The following ATG16L1 variants were observed in gnomAD, a reference collection of about 807,000 sequenced individuals.
ATG16L1 encodes the protein autophagy-related protein 16-1.
Under a neutral mutation model 88.5 loss-of-function variants are expected in ATG16L1, and 37 were observed. The observed-to-expected ratio is 0.42, with a 90% confidence interval of 0.32 to 0.55. The LOEUF is 0.55. ATG16L1 is among the 20% of genes least tolerant of loss of function. ATG16L1 has a pLI of 0.13. For synonymous variants in ATG16L1, 301 were observed against 281.0 expected, an observed-to-expected ratio of 1.07 and a Z score of -0.71; for missense variants, 554 against 752.8, an observed-to-expected ratio of 0.74 and a Z score of 3.09.
Position 233,256,109 on chromosome 2 carries a change from A to G in ATG16L1, c.123A>G (p.Lys41=). Residue 41 remains lysine (K), a synonymous_variant, in exon 2 of 18, where the codon AAA becomes AAG. Coordinates refer to ENST00000392017, the MANE Select transcript of ATG16L1 (RefSeq NM_030803.7). ...ACTTTTTTATTTTAATAGATAACAA[A>G]TTGCTGGAAAAGTCAGATCTTCATT... ...AFEEIILQYN[K]LLEKSDLHSV... 6.2e-7 allele frequency: 1 copy of G among 1,613,686 alleles called. No homozygotes were observed. The highest frequency in any genetic ancestry group is 8.5e-7 in the Non-Finnish European group (1 of 1,179,702).
chr2:233,289,377 A>ATGTGTGTGTGTGTGTGTG (rs56993445), intron 12 of ATG16L1, among the ~76,000 whole-genome samples: 9,140 of 128,942 alleles, frequency 0.071, 482 homozygotes, highest in Middle Eastern at 0.14. Flanking sequence ...CCTGTTTGGG[A>ATGTGTGTGTGTGTGTGTG]TGTGTGTGTG....
intron 6 of ATG16L1, among the ~76,000 whole-genome samples, chr2:233,272,412 C>G (rs537403546): frequency 1.3e-5 from 2 of 152,198 alleles, no homozygotes; most frequent in African/African-American, 4.8e-5. Context: ...TTTTGCTTTT[C>G]TATTTTTTAA....
chr2:233,265,223 T>C, intron 5 of ATG16L1, 80 bp downstream of exon 5: 1 of 1,527,886 alleles, frequency 6.5e-7, no homozygotes, highest in Non-Finnish European at 8.8e-7. Context: ...GAGATAAACC[T>C]GGCAGTTACT....
intron 15 of ATG16L1, 36 bp downstream of exon 15, chr2:233,292,313 G>A (rs1699513588): frequency 6.2e-7 from 1 of 1,611,750 alleles, no homozygotes; most frequent in African/African-American, 1.4e-5. Flanking sequence ...GAAGACCAGA[G>A]GCCCAGCCCT....
At position 233,294,459 on chromosome 2, in the gene ATG16L1, A is replaced by G. The variant is rs1341125866; in HGVS notation, c.*109A>G. ...GTGCTGGGTATAGCATGGACCTCCC[A>G]GAGAAGCTCAAGCTATGTGGCACTG... is the stretch of plus-strand genomic sequence containing the variant. On this transcript the variant is annotated 3_prime_UTR_variant, in exon 18 of 18. Transcript: ENST00000392017. 1.3e-6 allele frequency: 1 copy of G among 762,960 alleles called. No homozygotes were observed. The highest frequency in any genetic ancestry group is 3.0e-5 in the Admixed American group (1 of 33,762). 47.3% of individuals were successfully genotyped at this position (762,960 alleles called of 1,614,324 possible).
chr2:233,283,682 C>A (rs1698877278), intron 12 of ATG16L1, among the ~76,000 whole-genome samples: 1 of 151,582 alleles, frequency 6.6e-6, no homozygotes, highest in African/African-American at 2.4e-5. Flanking sequence ...TCCTGAGTAG[C>A]TAGGATTACA....
intron 1 of ATG16L1, among the ~76,000 whole-genome samples, chr2:233,253,160 A>G (rs1196008055): frequency 1.3e-5 from 2 of 152,072 alleles, no homozygotes; most frequent in East Asian, 1.9e-4. Context: ...CCAAATGACT[A>G]CTGTGCAGAC....
At chr2:233,276,402 A>G (rs1401716883) in intron 9 of ATG16L1, among the ~76,000 whole-genome samples, 3 of 152,158 alleles carry the variant, frequency 2.0e-5, no homozygotes, top group East Asian at 1.9e-4. Context: ...TCTAGGCATT[A>G]TATTTCATCC....
chr2:233,251,748 C>A lies in ATG16L1; in HGVS notation c.-80C>A. 7.6e-7 allele frequency: 1 copy of A among 1,312,446 alleles called. No homozygotes were observed. Among genetic ancestry groups the A allele is most frequent in the Non-Finnish European group, 1.1e-6 (1 of 937,310 alleles). 81.3% of individuals were successfully genotyped at this position (1,312,446 alleles called of 1,614,324 possible). On this transcript the variant is annotated 5_prime_UTR_variant, in exon 1 of 18. It adds an upstream start codon to the 5' untranslated region. Coordinates refer to ENST00000392017, the MANE Select transcript of ATG16L1 (RefSeq NM_030803.7). ...GGGATTGCCGGCATTCCCGCTTCTG[C>A]TGGTTGCTTCATGCTGCAGGCTGCG...
intron 2 of ATG16L1, among the ~76,000 whole-genome samples, chr2:233,259,353 C>T (rs1013931803): frequency 1.3e-5 from 2 of 152,098 alleles, no homozygotes; most frequent in African/African-American, 4.8e-5. Context: ...CCTCTGATGT[C>T]AAAAGATCAC....
chr2:233,275,774 C>T (rs754464389), intron 9 of ATG16L1: 3 of 519,272 alleles, frequency 5.8e-6, no homozygotes, highest in South Asian at 4.2e-5. Context: ...ATGTCACGGT[C>T]CCTTTGTTGC....
chr2:233,289,733 T>C, intron 12 of ATG16L1, 121 bp from the exon 13 acceptor site: 1 of 1,345,824 alleles, frequency 7.4e-7, no homozygotes, highest in East Asian at 2.3e-5. Flanking sequence ...TGAGTGTTCC[T>C]GGCCGGATCT....
chr2:233,258,033 A>ATC (rs1696936917), intron 2 of ATG16L1, among the ~76,000 whole-genome samples: 4 of 151,088 alleles, frequency 2.6e-5, no homozygotes, highest in Admixed American at 1.3e-4. Context: ...ATATATCTAT[A>ATC]TATCTATATA....
chr2:233,293,107 G>A, intron 16 of ATG16L1, 149 bp from the exon 17 acceptor site: 1 of 684,394 alleles, frequency 1.5e-6, no homozygotes, highest in Non-Finnish European at 2.5e-6. Context: ...TTGGCTGGAA[G>A]GGCCATGACT....
chr2:233,273,046 C>T lies in ATG16L1; in HGVS notation c.788C>T (p.Ala263Val), dbSNP rs746379269. The T allele has an allele frequency of 6.2e-7, 1 of 1,613,778 alleles. No homozygotes were observed. Among genetic ancestry groups the T allele is most frequent in the East Asian group, 2.2e-5 (1 of 44,894 alleles). ...ETSPVRAISRAATKRLSQPAG... is the reference protein window; with the variant it reads ...ETSPVRAISRVATKRLSQPAG... ...TCTCCTGTGCGAGCCATCAGCAGAG[C>T]AGCCACGTAAGTAGGCAGGTTTGGG... is the stretch of plus-strand genomic sequence containing the variant. Residue 263 changes from alanine (A) to valine (V), a missense_variant, in exon 7 of 18, where the codon GCA becomes GTA. By Grantham distance (64) the Ala-to-Val change is moderately conservative. Transcript: ENST00000392017.
chr2:233,256,350 A>G (rs1416650953), intron 2 of ATG16L1, among the ~76,000 whole-genome samples, 155 bp downstream of exon 2: 2 of 152,240 alleles, frequency 1.3e-5, no homozygotes, highest in African/African-American at 2.4e-5. Flanking sequence ...CCATGTAATT[A>G]CAATTGTTTT....
chr2:233,255,141 T>C (rs1696687367), intron 1 of ATG16L1, among the ~76,000 whole-genome samples: 1 of 152,084 alleles, frequency 6.6e-6, no homozygotes, highest in Non-Finnish European at 1.5e-5. Context: ...GCCTGGCTAA[T>C]TTTTGTATTT....
chr2:233,284,792 A>C (rs1370473912), intron 12 of ATG16L1, among the ~76,000 whole-genome samples: 1 of 152,172 alleles, frequency 6.6e-6, no homozygotes, highest in African/African-American at 2.4e-5. Context: ...TTAAATCTAC[A>C]AGGGAGGTGG....
At chr2:233,268,319 T>G (rs1237555689) in intron 5 of ATG16L1, among the ~76,000 whole-genome samples, 1 of 152,124 alleles carries the variant, frequency 6.6e-6, no homozygotes, top group African/African-American at 2.4e-5. Flanking sequence ...ATTAGCTGGA[T>G]GTAGTGGCAG....
Sources: allele counts gnomAD v4.1 joint callset (sites outside exome capture counted in the v4.1 genomes callset), GRCh38; gene constraint gnomAD v4.1.1; transcripts MANE v1.5; gene names NCBI Gene and HGNC (gene_info 2026-07-23, HGNC 2026-07-21).